The following TAFA2 variants were observed in gnomAD, a reference collection of about 807,000 sequenced individuals.
The protein encoded by TAFA2 is TAFA chemokine like family member 2.
In TAFA2, 7 loss-of-function variants were observed where a neutral mutation model predicts 18.8. The observed-to-expected ratio is 0.37, with a 90% CI of 0.21 to 0.70. TAFA2 has a LOEUF of 0.70. Among genes scored for constraint, TAFA2 ranks in the 30% least tolerant of loss-of-function variants. TAFA2 has a pLI of 0.53. For synonymous variants in TAFA2, 60 were observed against 54.2 expected (o/e 1.11, Z -0.47); for missense variants, 122 against 158.1 (o/e 0.77, Z 1.23).
chr12:61,931,864 TA>T (rs1399410598), intron 1 of TAFA2, among the ~76,000 whole-genome samples: 2 of 152,216 alleles, frequency 1.3e-5, no homozygotes, highest in African/African-American at 2.4e-5. Flanking sequence ...AGGATAGTTC[TA>T]AAGATAATCA....
intron 1 of TAFA2, among the ~76,000 whole-genome samples, chr12:62,032,532 T>C (rs1468920651): frequency 6.6e-6 from 1 of 152,194 alleles, no homozygotes; most frequent in Non-Finnish European, 1.5e-5. Flanking sequence ...CAGACTAGTA[T>C]GAAGTGTTCA....
intron 2 of TAFA2, among the ~76,000 whole-genome samples, chr12:61,780,101 T>C (rs1292487589): frequency 3.3e-5 from 5 of 151,182 alleles, no homozygotes; most frequent in African/African-American, 7.3e-5. Flanking sequence ...TCCCAGAAGA[T>C]AATATATGTG....
At chr12:61,902,544 T>A (rs1027786511) in intron 1 of TAFA2, among the ~76,000 whole-genome samples, 4 of 152,162 alleles carry the variant, frequency 2.6e-5, no homozygotes, top group African/African-American at 9.7e-5. Context: ...CCTATTGCCT[T>A]ACTGGCCTCT....
intron 2 of TAFA2, among the ~76,000 whole-genome samples, chr12:61,767,795 T>G (rs922657334): frequency 6.6e-6 from 1 of 151,912 alleles, no homozygotes; most frequent in Admixed American, 6.6e-5. Flanking sequence ...TTTTTTTTAG[T>G]TTTTAGAAAA....
At chr12:61,927,824 T>A (rs563179483) in intron 1 of TAFA2, among the ~76,000 whole-genome samples, 4 of 152,052 alleles carry the variant, frequency 2.6e-5, no homozygotes, top group Admixed American at 6.6e-5. Context: ...TACAGACCAA[T>A]GAAACAGAAC....
intron 1 of TAFA2, among the ~76,000 whole-genome samples, chr12:62,117,326 T>C (rs1356600632): frequency 6.6e-6 from 1 of 152,238 alleles, no homozygotes; most frequent in Non-Finnish European, 1.5e-5. Context: ...TATATTGGCA[T>C]TGTGTTATAT....
intron 1 of TAFA2, among the ~76,000 whole-genome samples, chr12:62,000,753 T>C (rs1180168622): frequency 1.3e-5 from 2 of 152,240 alleles, no homozygotes; most frequent in Admixed American, 6.5e-5. Context: ...TATGCAGCAA[T>C]GCAAATAACG....
chr12:62,135,019 CAAATA>C (rs1277173931), intron 1 of TAFA2, among the ~76,000 whole-genome samples: 6 of 151,978 alleles, frequency 3.9e-5, no homozygotes, highest in Admixed American at 3.9e-4. Flanking sequence ...TCTCTGACCC[CAAATA>C]CTAAGTTAAA....
At chr12:61,930,252 G>C (rs946423614) in intron 1 of TAFA2, among the ~76,000 whole-genome samples, 1 of 152,220 alleles carries the variant, frequency 6.6e-6, no homozygotes, top group East Asian at 1.9e-4. Flanking sequence ...CAAACCAAAA[G>C]GGACTGCATA....
chr12:61,755,271 A>G (rs1313852658), intron 2 of TAFA2, among the ~76,000 whole-genome samples: 2 of 152,134 alleles, frequency 1.3e-5, no homozygotes, highest in Non-Finnish European at 2.9e-5. Flanking sequence ...ATAAGCTGTT[A>G]AAAGTCTGAT....
At chr12:61,873,514 T>C (rs986258858) in intron 1 of TAFA2, among the ~76,000 whole-genome samples, 3 of 152,102 alleles carry the variant, frequency 2.0e-5, no homozygotes, top group African/African-American at 7.2e-5. Context: ...GAGCGTAGAT[T>C]ATGAAAGTTA....
At chr12:61,724,251 A>G (rs1870034719) in intron 4 of TAFA2, among the ~76,000 whole-genome samples, 1 of 152,030 alleles carries the variant, frequency 6.6e-6, no homozygotes, top group Non-Finnish European at 1.5e-5. Flanking sequence ...TTTCCCCCTC[A>G]TAATAGTTTC....
intron 1 of TAFA2, among the ~76,000 whole-genome samples, chr12:62,009,643 A>G (rs1880665089): frequency 1.3e-5 from 2 of 152,236 alleles, no homozygotes; most frequent in African/African-American, 4.8e-5. Context: ...TCAAGTGACT[A>G]AGACATCCAA....
At chr12:62,029,415 G>A (rs1171713161) in intron 1 of TAFA2, among the ~76,000 whole-genome samples, 2 of 152,124 alleles carry the variant, frequency 1.3e-5, no homozygotes, top group African/African-American at 4.8e-5. Context: ...TTTCTGAAAA[G>A]TTAACAAACT....
intron 1 of TAFA2, among the ~76,000 whole-genome samples, chr12:62,048,999 T>C (rs1433911009): frequency 6.6e-6 from 1 of 152,124 alleles, no homozygotes; most frequent in African/African-American, 2.4e-5. Context: ...AAGCTATCAG[T>C]TGAAATATAA....
chr12:62,008,232 A>G (rs1359635940), intron 1 of TAFA2, among the ~76,000 whole-genome samples: 2 of 141,848 alleles, frequency 1.4e-5, no homozygotes, highest in African/African-American at 2.6e-5. Flanking sequence ...ACCATGTAAG[A>G]TATTTTTTCT....
chr12:62,140,254 G>A (rs1200614057), intron 1 of TAFA2: 1 of 152,130 alleles, frequency 6.6e-6, no homozygotes, highest in Non-Finnish European at 1.5e-5. Flanking sequence ...AGGGAGTGCT[G>A]GCAAGAATTA....
chr12:61,882,601 A>G (rs1398918441), intron 1 of TAFA2, among the ~76,000 whole-genome samples: 1 of 152,174 alleles, frequency 6.6e-6, no homozygotes, highest in African/African-American at 2.4e-5. Flanking sequence ...TCTTTCACCA[A>G]GATCAGTACC....
At chr12:62,114,011 G>A (rs771854486) in intron 1 of TAFA2, among the ~76,000 whole-genome samples, 5 of 152,096 alleles carry the variant, frequency 3.3e-5, no homozygotes, top group Admixed American at 6.5e-5. Context: ...ATTCTGTCTC[G>A]CTGGCATTCC....
Sources: gnomAD v4.1 joint callset for allele counts (sites outside exome capture counted in the v4.1 genomes callset) on GRCh38, gnomAD v4.1.1 for gene constraint, MANE v1.5 for transcripts, NCBI Gene and HGNC (gene_info 2026-07-23, HGNC 2026-07-21) for gene names.